The following VGLL4 variants were observed in gnomAD, a reference collection of about 807,000 sequenced individuals.
VGLL4 encodes the protein vestigial like family member 4.
A neutral mutation model predicts 21.0 loss-of-function variants in VGLL4; 7 were observed. That is an observed-to-expected ratio of 0.33 (90% CI 0.19 to 0.63). VGLL4 has a LOEUF of 0.63. Among genes scored for constraint, VGLL4 ranks in the 20% least tolerant of loss-of-function variants. The probability of loss-of-function intolerance (pLI) is 0.78; values close to 1 mark genes in which losing one functional copy is unlikely to be tolerated. For synonymous variants in VGLL4, 222 were observed against 173.2 expected (o/e 1.28, Z -2.21); for missense variants, 394 against 425.7 (o/e 0.93, Z 0.66).
intron 2 of VGLL4, among the ~76,000 whole-genome samples, chr3:11,582,769 C>T (rs563140066): frequency 6.6e-5 from 10 of 152,196 alleles, no homozygotes; most frequent in South Asian, 2.1e-4. Context: ...GGGCTGCAGC[C>T]GGCCCCTCAG....
In VGLL4 at chr3:11,558,799, C is replaced by T. The variant is rs1025200275; in HGVS notation, c.648G>A (p.Glu216=). The T allele has an allele frequency of 2.5e-6, 4 of 1,613,622 alleles. No individual in the cohort carries two copies. Among genetic ancestry groups the T allele is most frequent in the Admixed American group, 1.7e-5 (1 of 60,024 alleles). Residue 216 remains glutamate, a synonymous_variant, in exon 5 of 5, where the codon GAG becomes GAA. Coordinates refer to ENST00000430365, the MANE Select transcript of VGLL4 (RefSeq NM_001128219.3). ...TGCCCAGGCTCCTGCGGAAATGCTCCTCCACCACGGGGTCACAGGTGGTGG... is the reference window on the plus strand; with the variant it reads ...TGCCCAGGCTCCTGCGGAAATGCTCTTCCACCACGGGGTCACAGGTGGTGG... ...SAATTCDPVV[E]EHFRRSLGKN...
At chr3:11,681,635 T>C (rs1386389928) in intron 2 of VGLL4, among the ~76,000 whole-genome samples, 1 of 152,252 alleles carries the variant, frequency 6.6e-6, no homozygotes, top group African/African-American at 2.4e-5. Flanking sequence ...TGTTTTACTA[T>C]ATAGTATTAA....
At chr3:11,667,846 T>C (rs1160859794) in intron 2 of VGLL4, among the ~76,000 whole-genome samples, 1 of 115,964 alleles carries the variant, frequency 8.6e-6, no homozygotes, top group Admixed American at 8.4e-5. Context: ...CTTCTTCTTT[T>C]TTTTTTTTTT....
chr3:11,712,681 AGTTGATCAT>A lies in VGLL4; in HGVS notation c.-14+7704_-14+7712del, dbSNP rs536609922. Among the ~76,000 whole-genome samples the A allele has an allele frequency of 1.3e-3, 197 of 152,326 alleles. 3 individuals carry two copies. The highest frequency in any genetic ancestry group is 4.6e-3 in the African/African-American group (190 of 41,566). On this transcript the variant is annotated intron_variant, in intron 1 of 5. Coordinates refer to the VGLL4 transcript ENST00000273038. ...TCCAATGCTATTTTTACTACTCTTA[AGTTGATCAT>A]GCTAAAGAGGTTTTAGTGACAAGCA...
chr3:11,628,894 C>T (rs1559910213), intron 1 of VGLL4, among the ~76,000 whole-genome samples: 1 of 152,122 alleles, frequency 6.6e-6, no homozygotes, highest in African/African-American at 2.4e-5. Context: ...CTACTTTGGA[C>T]CAAACAATTG....
intron 2 of VGLL4, among the ~76,000 whole-genome samples, chr3:11,694,631 A>AAG (rs908730968): frequency 1.1e-4 from 16 of 152,214 alleles, no homozygotes; most frequent in African/African-American, 3.4e-4. Flanking sequence ...AAAAAAAAAA[A>AAG]GAAAAAAGGA....
intron 2 of VGLL4, chr3:11,582,432 G>C (rs1472271100): frequency 6.7e-7 from 1 of 1,491,856 alleles, no homozygotes; most frequent in African/African-American, 1.4e-5. Flanking sequence ...CCTGAAAGGA[G>C]GGTTGCGAGG....
intron 1 of VGLL4, among the ~76,000 whole-genome samples, chr3:11,713,472 C>T (rs1210216800): frequency 6.6e-6 from 1 of 151,462 alleles, no homozygotes; most frequent in Non-Finnish European, 1.5e-5. Context: ...ATGATCACTC[C>T]TGAAAATTCA....
intron 2 of VGLL4, among the ~76,000 whole-genome samples, chr3:11,697,183 C>T (rs2076616887): frequency 6.6e-6 from 1 of 152,160 alleles, no homozygotes; most frequent in African/African-American, 2.4e-5. Flanking sequence ...TCTCTGCAGC[C>T]TTTAACTCCT....
chr3:11,601,743 T>C, intron 2 of VGLL4, 90 bp downstream of exon 2: 10 of 1,391,090 alleles, frequency 7.2e-6, no homozygotes, highest in Non-Finnish European at 1.0e-5. Flanking sequence ...AGTATGCAAA[T>C]GATAACATCA....
chr3:11,718,260 C>A (rs2076945007), intron 1 of VGLL4, among the ~76,000 whole-genome samples: 1 of 152,126 alleles, frequency 6.6e-6, no homozygotes, highest in Non-Finnish European at 1.5e-5. Context: ...CCAGATGTAA[C>A]AGGAAATACA....
intron 2 of VGLL4, among the ~76,000 whole-genome samples, chr3:11,686,628 C>T (rs2076453043): frequency 3.9e-5 from 6 of 152,178 alleles, no homozygotes. Flanking sequence ...CTGAACTGTA[C>T]ACTTAAAATG....
chr3:11,670,156 C>T (rs1418491537), intron 2 of VGLL4, among the ~76,000 whole-genome samples: 1 of 151,484 alleles, frequency 6.6e-6, no homozygotes, highest in Non-Finnish European at 1.5e-5. Context: ...TGCGGATGGG[C>T]TACCGTAAGT....
At chr3:11,607,889 C>T (rs1258707198) in intron 1 of VGLL4, among the ~76,000 whole-genome samples, 1 of 152,164 alleles carries the variant, frequency 6.6e-6, no homozygotes, top group Non-Finnish European at 1.5e-5. Context: ...TTCATCAGAT[C>T]CTATAAAGCT....
chr3:11,708,580 G>A (rs2076794489), intron 1 of VGLL4, among the ~76,000 whole-genome samples: 1 of 152,042 alleles, frequency 6.6e-6, no homozygotes, highest in African/African-American at 2.4e-5. Context: ...TCCGTGAAAA[G>A]TCCTGGAATG....
Position 11,559,407 on chromosome 3 carries a change from T to G in VGLL4, c.544A>C (p.Asn182His). 1 of 1,563,108 alleles carries G rather than the reference T, an allele frequency of 6.4e-7. No homozygotes were observed. The highest frequency in any genetic ancestry group is 8.7e-7 in the Non-Finnish European group (1 of 1,154,798). Reference protein sequence around the residue: ...TCASAGARNCNLSHCPIAHSG... With the variant: ...TCASAGARNCHLSHCPIAHSG... ...TGCGCGATGGGGCAGTGCGAGAGGT[T>G]GCAGTTGCGGGCGCCAGCCGAGGCA... Residue 182 changes from asparagine to histidine, a missense_variant, in exon 4 of 5, where the codon AAC becomes CAC. Asn to His is a moderately conservative substitution (Grantham distance 68, BLOSUM62 1). Transcript: ENST00000430365.
intron 1 of VGLL4, among the ~76,000 whole-genome samples, chr3:11,706,394 A>G (rs542155758): frequency 3.3e-5 from 5 of 152,362 alleles, no homozygotes; most frequent in South Asian, 4.1e-4. Context: ...GAAACAGAAG[A>G]TAGATCTCTG....
At chr3:11,679,727 G>T (rs1035333123) in intron 2 of VGLL4, among the ~76,000 whole-genome samples, 1 of 151,936 alleles carries the variant, frequency 6.6e-6, no homozygotes, top group African/African-American at 2.4e-5. Context: ...TATAAAGAAA[G>T]AAAGTATTTT....
chr3:11,642,342 C>T (rs778903732), intron 1 of VGLL4, among the ~76,000 whole-genome samples: 1 of 151,992 alleles, frequency 6.6e-6, no homozygotes, highest in Non-Finnish European at 1.5e-5. Flanking sequence ...GAAAAATACT[C>T]TTGAAAGGGT....
Sources: allele counts gnomAD v4.1 joint callset (sites outside exome capture counted in the v4.1 genomes callset), GRCh38; gene constraint gnomAD v4.1.1; transcripts MANE v1.5; gene names NCBI Gene and HGNC (gene_info 2026-07-23, HGNC 2026-07-21).